Variants in PSPC1 observed in about 807,000 individuals in gnomAD.
PSPC1 encodes paraspeckle component 1.
PSPC1 carries 14 observed loss-of-function variants against 51.6 expected under a neutral mutation model. The observed-to-expected ratio is 0.27, with a 90% CI of 0.18 to 0.42. The LOEUF is 0.42. Ranked by LOEUF, PSPC1 falls within the 10% of genes least tolerant of loss-of-function variation. The pLI is 1.00. For synonymous variants in PSPC1, 193 were observed against 231.9 expected, an observed-to-expected ratio of 0.83 and a Z score of 1.53; for missense variants, 406 against 701.1, an observed-to-expected ratio of 0.58 and a Z score of 4.75.
intron 6 of PSPC1, among the ~76,000 whole-genome samples, chr13:19,683,187 T>C (rs1314561003): frequency 6.6e-6 from 1 of 152,178 alleles, no homozygotes; most frequent in Non-Finnish European, 1.5e-5. Context: ...CCAAGAGGAA[T>C]GAATGCATAA....
intron 6 of PSPC1, among the ~76,000 whole-genome samples, chr13:19,717,996 T>C (rs568037185): frequency 1.3e-5 from 2 of 152,208 alleles, no homozygotes; most frequent in Admixed American, 1.3e-4. Flanking sequence ...TGACCTATGA[T>C]TGCGTCACTG....
Position 19,772,100 on chromosome 13 carries a change from T to C in PSPC1, c.674+142A>G, listed in dbSNP as rs956929424. The C allele has an allele frequency of 1.3e-5, 12 of 906,276 alleles. No homozygotes were observed. In the African/African-American group the frequency reaches 1.9e-4, roughly 14 times the overall value. 56.1% of individuals were successfully genotyped at this position (906,276 alleles called of 1,614,324 possible). A position where few individuals can be genotyped will look rare whatever the true frequency, so the allele number is the denominator to read the frequency against. ...CTTGACTCCTACCAGTACACGAAAA[T>C]TTCTTATTTATATTCACTGAATATT... On this transcript the variant is annotated intron_variant, in intron 2 of 8. Transcript: ENST00000338910.
chr13:19,721,579 T>G (rs942573457), intron 6 of PSPC1, among the ~76,000 whole-genome samples: 17 of 152,306 alleles, frequency 1.1e-4, no homozygotes, highest in African/African-American at 4.1e-4. Flanking sequence ...ACACTCTCAG[T>G]AGAGAATTTC....
chr13:19,770,038 T>C (rs892931777), intron 2 of PSPC1, among the ~76,000 whole-genome samples: 4 of 100,006 alleles, frequency 4.0e-5, no homozygotes, highest in Non-Finnish European at 7.5e-5. Flanking sequence ...TATCCATCCA[T>C]ATGTCACGGA....
chr13:19,743,933 C>A (rs1424388033), intron 4 of PSPC1, among the ~76,000 whole-genome samples: 1 of 151,954 alleles, frequency 6.6e-6, no homozygotes, highest in African/African-American at 2.4e-5. Flanking sequence ...CATGGAGAAA[C>A]CCCGTCTCTA....
intron 4 of PSPC1, among the ~76,000 whole-genome samples, chr13:19,743,522 C>G (rs1272553203): frequency 6.6e-6 from 1 of 152,128 alleles, no homozygotes; most frequent in African/African-American, 2.4e-5. Context: ...GTTGCTCCAG[C>G]TATTACATGA....
At chr13:19,722,124 CAG>C (rs1391579216) in intron 6 of PSPC1, among the ~76,000 whole-genome samples, 1 of 152,068 alleles carries the variant, frequency 6.6e-6, no homozygotes, top group Non-Finnish European at 1.5e-5. Flanking sequence ...TCGAAAAATT[CAG>C]AGAACACAAT....
intron 1 of PSPC1, among the ~76,000 whole-genome samples, chr13:19,779,774 G>T (rs1889689840): frequency 1.2e-5 from 1 of 85,886 alleles, no homozygotes; most frequent in Non-Finnish European, 2.5e-5. Flanking sequence ...GCCCGTCTGG[G>T]AGGTGAGGGG....
intron 5 of PSPC1, among the ~76,000 whole-genome samples, chr13:19,738,451 A>AT (rs1273651340): frequency 6.6e-6 from 1 of 152,208 alleles, no homozygotes; most frequent in Non-Finnish European, 1.5e-5. Flanking sequence ...ATCTCTACTT[A>AT]TAATACCTAA....
intron 6 of PSPC1, among the ~76,000 whole-genome samples, chr13:19,694,195 T>A (rs1191786631): frequency 1.6e-5 from 2 of 124,272 alleles, no homozygotes; most frequent in Admixed American, 8.4e-5. Flanking sequence ...ACACACACAC[T>A]AAAACTTTAA....
At chr13:19,677,406 G>A (rs1369563133) in intron 7 of PSPC1, among the ~76,000 whole-genome samples, 2 of 151,814 alleles carry the variant, frequency 1.3e-5, no homozygotes, top group African/African-American at 4.8e-5. Flanking sequence ...TCCCCTCTTA[G>A]TCCAGTTTTA....
At chr13:19,781,648 C>T (rs1176168528) in intron 1 of PSPC1, among the ~76,000 whole-genome samples, 1 of 151,970 alleles carries the variant, frequency 6.6e-6, no homozygotes, top group African/African-American at 2.4e-5. Flanking sequence ...AGTTTGGGCA[C>T]CTAAGCAGTT....
At chr13:19,679,283 C>A (rs925649106) in intron 6 of PSPC1, among the ~76,000 whole-genome samples, 74 of 152,112 alleles carry the variant, frequency 4.9e-4, no homozygotes, top group African/African-American at 1.8e-3. Context: ...TCACTTTAGT[C>A]CAGGAGTTTG....
intron 4 of PSPC1, among the ~76,000 whole-genome samples, chr13:19,742,561 C>G (rs184055122): frequency 6.6e-6 from 1 of 152,090 alleles, no homozygotes; most frequent in Admixed American, 6.6e-5. Flanking sequence ...CAACATGGCG[C>G]AACCCCATCT....
At chr13:19,683,367 G>C (rs1185650917) in intron 6 of PSPC1, among the ~76,000 whole-genome samples, 4 of 152,198 alleles carry the variant, frequency 2.6e-5, no homozygotes, top group African/African-American at 9.7e-5. Flanking sequence ...CAGCAACACA[G>C]ATGAATTTCA....
chr13:19,773,649 G>T (rs1051186957), intron 1 of PSPC1, among the ~76,000 whole-genome samples: 8 of 150,206 alleles, frequency 5.3e-5, no homozygotes, highest in Non-Finnish European at 1.2e-4. Flanking sequence ...TAGTTCTTGG[G>T]TTTTTTTTTC....
chr13:19,696,797 C>G (rs949890059), intron 6 of PSPC1, among the ~76,000 whole-genome samples: 1 of 152,152 alleles, frequency 6.6e-6, no homozygotes, highest in African/African-American at 2.4e-5. Flanking sequence ...TACATTATTT[C>G]ATCTCATACT....
At position 19,732,627 on chromosome 13, in the gene PSPC1, G is replaced by A. The variant is rs547905622; in HGVS notation, c.1053-2283C>T. 3.0e-4 allele frequency among the ~76,000 whole-genome samples: 45 copies of A among 152,156 alleles called. No homozygotes were observed. The South Asian group carries it at 8.9e-3, about 30-fold the overall frequency. ...CACGTCAGATTGCCACCTGAATGAGGATACATAGAAAAACTTTTGGCAGGG... is the reference window on the plus strand; with the variant it reads ...CACGTCAGATTGCCACCTGAATGAGAATACATAGAAAAACTTTTGGCAGGG... On this transcript the variant is annotated intron_variant, in intron 5 of 8. Transcript: ENST00000338910.
intron 6 of PSPC1, among the ~76,000 whole-genome samples, chr13:19,711,772 A>C (rs1054840459): frequency 6.6e-6 from 1 of 151,490 alleles, no homozygotes; most frequent in Non-Finnish European, 1.5e-5. Flanking sequence ...TGAACCCAGG[A>C]GGCGGGGGTT....
Sources: allele counts gnomAD v4.1 joint callset (sites outside exome capture counted in the v4.1 genomes callset), GRCh38; gene constraint gnomAD v4.1.1; transcripts MANE v1.5; gene names NCBI Gene and HGNC (gene_info 2026-07-23, HGNC 2026-07-21).